IDI2: variants seen among roughly 807,000 people sequenced by gnomAD.
IDI2 encodes isopentenyl-diphosphate delta isomerase 2.
In IDI2, 18 loss-of-function variants were observed where a neutral mutation model predicts 14.8. The observed-to-expected ratio is 1.22, with a 90% CI of 0.84 to 1.80. IDI2 has a LOEUF of 1.80. Among genes scored for constraint, IDI2 ranks in the 40% most tolerant of loss-of-function variants. The pLI is 0.00. For missense variants in IDI2, 316 were observed against 283.2 expected (o/e 1.12, Z -0.83); for synonymous variants, 133 against 109.6 (o/e 1.21, Z -1.33).
In IDI2 at chr10:1,024,598, G is replaced by T. The variant is rs149209894; in HGVS notation, c.126C>A (p.Asn42Lys). The T allele has an allele frequency of 6.2e-6, 10 of 1,613,940 alleles. No individual in the cohort carries two copies. Among genetic ancestry groups the T allele is most frequent in the Non-Finnish European group, 8.5e-6 (10 of 1,180,014 alleles). Residue 42 changes from asparagine (N) to lysine (K), a missense_variant, in exon 2 of 5, where the codon AAC becomes AAA. Physicochemically the swap from Asn to Lys is moderately conservative, Grantham distance 94 (BLOSUM62 0). Coordinates refer to ENST00000277517, the MANE Select transcript of IDI2 (RefSeq NM_033261.3). ...GADTKRNCHL[N>K]ENIEKGLLHR... ...GGGGGCTACCTTTCTCAATGTTTTC[G>T]TTCAGATGGCAATTCCTCTTGGTGT...
At chr10:1,021,106 C>A (rs1254194325) in intron 3 of IDI2, among the ~76,000 whole-genome samples, 1 of 152,242 alleles carries the variant, frequency 6.6e-6, no homozygotes, top group Non-Finnish European at 1.5e-5. Flanking sequence ...ACATGACCAC[C>A]TGGCGGGGCT....
intron 2 of IDI2, among the ~76,000 whole-genome samples, chr10:1,024,266 G>C (rs966695593): frequency 7.9e-5 from 12 of 152,222 alleles, no homozygotes; most frequent in African/African-American, 2.4e-4. Flanking sequence ...GAGGGACGGG[G>C]TTGAGGAATT....
Position 1,019,805 on chromosome 10 carries a change from T to G in IDI2, c.396A>C (p.Thr132=). 6.2e-7 allele frequency: 1 copy of G among 1,614,042 alleles called. No individual in the cohort carries two copies. Among genetic ancestry groups the G allele is most frequent in the Non-Finnish European group, 8.5e-7 (1 of 1,179,906 alleles). The change falls in exon 5 of 5, where the codon ACA becomes ACC. Residue 132 remains threonine (T), a synonymous_variant. Coordinates refer to ENST00000277517, the MANE Select transcript of IDI2 (RefSeq NM_033261.3). ...QISPEDIVFM[T]IYHHKAKSDR... is the part of the protein sequence containing the mutation. ...CTGATTTTGCCTTGTGGTGATAGAT[T>G]GTCATGAACACAATGTCCTCTGGAG...
At chr10:1,020,348 G>A (rs896183988) in intron 4 of IDI2, among the ~76,000 whole-genome samples, 4 of 151,964 alleles carry the variant, frequency 2.6e-5, no homozygotes, top group Middle Eastern at 3.4e-3. Flanking sequence ...GTGCCACTAC[G>A]CCCAGCTAAT....
At position 1,020,853 on chromosome 10, in the gene IDI2, C is replaced by T. The variant is rs1564474405; in HGVS notation, c.280G>A (p.Ala94Thr). Residue 94 changes from alanine to threonine, a missense_variant, in exon 4 of 5, where the codon GCA (alanine) becomes ACA (threonine). Physicochemically the swap from Ala to Thr is moderately conservative, Grantham distance 58. Transcript: ENST00000277517. ...SCSSHPLYNP[A>T]ELEEKDAIGV... ...ATGGCATCCTTTTCTTCCAGTTCTG[C>T]TGGGTTGTATAATGGGTGGCTACTA... 1 of 1,614,012 alleles carries T rather than the reference C, an allele frequency of 6.2e-7. No homozygotes were observed. The highest frequency in any genetic ancestry group is 2.2e-5 in the East Asian group (1 of 44,886).
rs2132185196 is a variant in IDI2, at chr10:1,022,672, A to C, written c.235+11T>G. The C allele has an allele frequency of 6.2e-7, 1 of 1,601,330 alleles. No homozygotes were observed. Among genetic ancestry groups the C allele is most frequent in the Non-Finnish European group, 8.6e-7 (1 of 1,168,484 alleles). Reference sequence around the variant, plus strand: ...CTCTCTTCAGTCCGGGGCTTGGTTGAACGGACTCACCAGGAAACGTGACTT... The same window carrying C: ...CTCTCTTCAGTCCGGGGCTTGGTTGCACGGACTCACCAGGAAACGTGACTT... On this transcript the variant is annotated intron_variant, in intron 3 of 4. Coordinates refer to ENST00000277517, the MANE Select transcript of IDI2 (RefSeq NM_033261.3).
At chr10:1,025,010 C>CACACA (rs1368407999) in intron 1 of IDI2, among the ~76,000 whole-genome samples, 1 of 145,150 alleles carries the variant, frequency 6.9e-6, no homozygotes. Context: ...CCCCGCCCCA[C>CACACA]CACACACACA....
At position 1,019,426 on chromosome 10, in the gene IDI2, CCT is replaced by C; in HGVS notation, c.*89_*90del. Reference sequence around the variant, plus strand: ...ATGGGCAATCAAGTGCCCCTTTTGCCCTGTTTTTTGGAGAGGGTGTATCATTG... The same window carrying C: ...ATGGGCAATCAAGTGCCCCTTTTGCCGTTTTTTGGAGAGGGTGTATCATTG... On this transcript the variant is annotated 3_prime_UTR_variant, in exon 5 of 5. Coordinates refer to ENST00000277517, the MANE Select transcript of IDI2 (RefSeq NM_033261.3). 9.9e-7 allele frequency: 1 copy of C among 1,008,964 alleles called. No individual in the cohort carries two copies. The highest frequency in any genetic ancestry group is 1.4e-6 in the Non-Finnish European group (1 of 697,910). 62.5% of individuals were successfully genotyped at this position (1,008,964 alleles called of 1,614,324 possible).
chr10:1,022,233 T>C (rs1171631020), intron 3 of IDI2, among the ~76,000 whole-genome samples: 1 of 149,676 alleles, frequency 6.7e-6, no homozygotes, highest in Non-Finnish European at 1.5e-5. Flanking sequence ...CACTCCAGCC[T>C]GGGTGACTGA....
chr10:1,024,576 G>A lies in IDI2; in HGVS notation c.142+6C>T, dbSNP rs774297013. On this transcript the variant is annotated splice_donor_region_variant and intron_variant, in intron 2 of 4. Transcript: ENST00000277517. ...GAACTGGACAGAGAAAATGGGCGGG[G>A]GCTACCTTTCTCAATGTTTTCGTTC... 2.5e-6 allele frequency: 4 copies of A among 1,613,810 alleles called. No individual in the cohort carries two copies. In the African/African-American group the frequency reaches 4.0e-5, roughly 16 times the overall value.
intron 4 of IDI2, among the ~76,000 whole-genome samples, chr10:1,020,522 C>G (rs1463538316): frequency 6.6e-6 from 1 of 152,166 alleles, no homozygotes; most frequent in Non-Finnish European, 1.5e-5. Context: ...TCGACAGATT[C>G]CTGCACAGTC....
In IDI2 at chr10:1,019,431, T is replaced by G; in HGVS notation, c.*86A>C. ...CAATCAAGTGCCCCTTTTGCCCTGTTTTTTGGAGAGGGTGTATCATTGCCT... is the reference window on the plus strand; with the variant it reads ...CAATCAAGTGCCCCTTTTGCCCTGTGTTTTGGAGAGGGTGTATCATTGCCT... On this transcript the variant is annotated 3_prime_UTR_variant, in exon 5 of 5. Transcript: ENST00000277517. The G allele has an allele frequency of 3.6e-6, 4 of 1,109,776 alleles. No individual in the cohort carries two copies. Among genetic ancestry groups the G allele is most frequent in the Non-Finnish European group, 5.1e-6 (4 of 787,308 alleles). The allele number at this position is 1,109,776 out of a possible 1,614,324, so 68.7% of individuals were successfully genotyped here.
At chr10:1,020,626 G>T in intron 4 of IDI2, 141 bp downstream of exon 4, 1 of 818,082 alleles carries the variant, frequency 1.2e-6, no homozygotes, top group Non-Finnish European at 1.9e-6. Context: ...CTCATTCACA[G>T]CCCCATCCAC....
In IDI2 at chr10:1,024,678, G is replaced by A. The variant is rs148384127; in HGVS notation, c.46C>T (p.Arg16Cys). 96 of 1,614,128 alleles carry A rather than the reference G, an allele frequency of 5.9e-5. No individual in the cohort carries two copies. In the Admixed American group the frequency reaches 1.1e-3, roughly 19 times the overall value. Residue 16 changes from arginine to cysteine, a missense_variant, in exon 2 of 5, where the codon CGC becomes TGC. Arg to Cys is a radical substitution (Grantham distance 180, BLOSUM62 -3). Coordinates refer to ENST00000277517, the MANE Select transcript of IDI2 (RefSeq NM_033261.3). ...LDWVDRRQLQRLEEMLIVVDE... is the reference protein window; with the variant it reads ...LDWVDRRQLQCLEEMLIVVDE... ...ACAACAATCAGCATTTCCTCCAAGCGCTGCAACTGACGCCTGTCAACCCAG... is the reference window on the plus strand; with the variant it reads ...ACAACAATCAGCATTTCCTCCAAGCACTGCAACTGACGCCTGTCAACCCAG...
chr10:1,023,694 G>A (rs1407757546), intron 2 of IDI2, among the ~76,000 whole-genome samples: 1 of 152,118 alleles, frequency 6.6e-6, no homozygotes, highest in African/African-American at 2.4e-5. Flanking sequence ...ATGACGAGAG[G>A]GTGGTTAATA....
chr10:1,019,900 G>C, intron 4 of IDI2, 66 bp from the exon 5 acceptor site: 1 of 1,170,674 alleles, frequency 8.5e-7, no homozygotes, highest in Non-Finnish European at 1.3e-6. Context: ...CAGAAAAATA[G>C]AGAAAATAAA....
In IDI2 at chr10:1,020,808, G is replaced by T; in HGVS notation, c.325C>A (p.Gln109Lys). The T allele has an allele frequency of 6.2e-7, 1 of 1,613,862 alleles. No homozygotes were observed. The highest frequency in any genetic ancestry group is 8.5e-7 in the Non-Finnish European group (1 of 1,179,944). ...KDAIGVRRAA[Q>K]RRLQAELGIP... ...CCCAGCTCTGCTTGCAGACGCCTCTGGGCTGCCCTCCTCACTCCGATGGCA... is the reference window on the plus strand; with the variant it reads ...CCCAGCTCTGCTTGCAGACGCCTCTTGGCTGCCCTCCTCACTCCGATGGCA... The change falls in exon 4 of 5, where the codon CAG (glutamine) becomes AAG (lysine). Residue 109 changes from glutamine (Q) to lysine (K), a missense_variant. By Grantham distance (53) the Gln-to-Lys change is moderately conservative. Transcript: ENST00000277517.
rs72086728 is a variant in IDI2 at position 1,025,010 on chromosome 10, CCA to C, written c.-21-268_-21-267del. Among the ~76,000 whole-genome samples, 598 of 145,136 alleles carry C rather than the reference CCA, an allele frequency of 4.1e-3. 5 individuals carry two copies. Among genetic ancestry groups the C allele is most frequent in the African/African-American group, 0.013 (522 of 39,486 alleles). The stretch of plus-strand genomic sequence containing the variant: ...GACGAGTTAAAGAATCCCCGCCCCA[CCA>C]CACACACACACACACACACACACAC... On this transcript the variant is annotated intron_variant, in intron 1 of 4. Coordinates refer to ENST00000277517, the MANE Select transcript of IDI2 (RefSeq NM_033261.3).
chr10:1,020,479 A>C (rs962607530), intron 4 of IDI2, among the ~76,000 whole-genome samples: 1 of 152,094 alleles, frequency 6.6e-6, no homozygotes, highest in African/African-American at 2.4e-5. Flanking sequence ...GTGAGCCACC[A>C]CGCCCGGCTT....
Sources: gnomAD v4.1 joint callset for allele counts (sites outside exome capture counted in the v4.1 genomes callset) on GRCh38, gnomAD v4.1.1 for gene constraint, MANE v1.5 for transcripts, NCBI Gene and HGNC (gene_info 2026-07-23, HGNC 2026-07-21) for gene names.